The following SULT1E1 variants were observed in gnomAD, a reference collection of about 807,000 sequenced individuals.
SULT1E1 encodes the protein sulfotransferase family 1E member 1.
In SULT1E1, 36 loss-of-function variants were observed where a neutral mutation model predicts 33.6. That is an observed-to-expected ratio of 1.07 (90% CI 0.82 to 1.41). The LOEUF (loss-of-function observed/expected upper bound fraction) is 1.41, where lower values mean the gene tolerates loss of function less well. Ranked by LOEUF, SULT1E1 falls within the 40% of genes most tolerant of loss-of-function variation. SULT1E1 has a pLI of 0.00. For missense variants in SULT1E1, 371 were observed against 345.7 expected (o/e 1.07, Z -0.58); for synonymous variants, 121 against 111.7 (o/e 1.08, Z -0.53).
downstream of SULT1E1, among the ~76,000 whole-genome samples, chr4:69,838,078 T>C (rs914838559): frequency 2.6e-5 from 4 of 152,200 alleles, no homozygotes; most frequent in African/African-American, 9.7e-5. Flanking sequence ...GTTTACAGAC[T>C]TTTCTTCTTA....
chr4:69,856,166 A>C (rs1273484583), intron 2 of SULT1E1, among the ~76,000 whole-genome samples: 5 of 152,202 alleles, frequency 3.3e-5, no homozygotes, highest in African/African-American at 1.2e-4. Flanking sequence ...GTACTTAAGA[A>C]TGGTATAGTG....
chr4:69,844,944 T>C (rs565938704), intron 6 of SULT1E1, among the ~76,000 whole-genome samples: 1 of 152,124 alleles, frequency 6.6e-6, no homozygotes, highest in Admixed American at 6.5e-5. Flanking sequence ...CACATTTCTC[T>C]CTATGCCAAT....
the SULT1E1 span, among the ~76,000 whole-genome samples, chr4:69,828,492 C>A: frequency 6.6e-6 from 1 of 152,134 alleles, no homozygotes; most frequent in African/African-American, 2.4e-5. Context: ...GTCAGCGAGA[C>A]CACAAACCCA....
At chr4:69,849,392 T>C (rs1258863141) in intron 5 of SULT1E1, 45 bp downstream of exon 5, 1 of 1,595,814 alleles carries the variant, frequency 6.3e-7, no homozygotes, top group African/African-American at 1.4e-5. Context: ...GCATTTGTCT[T>C]ATAAAACCTT....
At chr4:69,857,422 G>A (rs1378945781) in intron 2 of SULT1E1, 78 bp downstream of exon 2, 4 of 1,486,224 alleles carry the variant, frequency 2.7e-6, no homozygotes, top group Admixed American at 2.3e-5. Context: ...GAGTGTGTAC[G>A]ACATGAACAC....
chr4:69,851,321 A>G (rs907554802), intron 4 of SULT1E1, among the ~76,000 whole-genome samples: 1 of 152,204 alleles, frequency 6.6e-6, no homozygotes, highest in African/African-American at 2.4e-5. Flanking sequence ...AAGGATATGA[A>G]CAGACACTTC....
At chr4:69,822,435 C>T in the SULT1E1 span, among the ~76,000 whole-genome samples, 181 of 152,100 alleles carry the variant, frequency 1.2e-3, 1 homozygote, top group African/African-American at 4.2e-3. Context: ...AGCAAGACCC[C>T]ATCTCTACAC....
chr4:69,826,879 T>C, the SULT1E1 span, among the ~76,000 whole-genome samples: 2 of 152,150 alleles, frequency 1.3e-5, no homozygotes, highest in African/African-American at 2.4e-5. Context: ...CAGGAGGACC[T>C]CTCAGCTTAC....
rs1441096134 is a variant in SULT1E1, at chr4:69,849,132, G to A, written c.496+305C>T. ...AAAACATTTGTTTCTACTAAAAAGA[G>A]ACAAGGCAGAAAATCAGACACTGAG... On this transcript the variant is annotated intron_variant, in intron 5 of 7. Transcript: ENST00000226444. The A allele has an allele frequency of 2.0e-5, 4 of 198,196 alleles. No homozygotes were observed. In the South Asian group the frequency reaches 4.1e-4, roughly 20 times the overall value. The allele number at this position is 198,196 out of a possible 1,614,324, so 12.3% of individuals were successfully genotyped here.
chr4:69,856,741 T>C (rs1009319961), intron 2 of SULT1E1, among the ~76,000 whole-genome samples: 6 of 151,986 alleles, frequency 3.9e-5, no homozygotes, highest in Admixed American at 2.6e-4. Flanking sequence ...GAGACCATCC[T>C]GGCTAACATG....
At chr4:69,828,629 G>C in the SULT1E1 span, among the ~76,000 whole-genome samples, 2 of 152,164 alleles carry the variant, frequency 1.3e-5, no homozygotes, top group Non-Finnish European at 2.9e-5. Context: ...ACAAGACCAA[G>C]AACCCACCAG....
At chr4:69,836,634 ACT>A (rs1720803188), downstream of SULT1E1, among the ~76,000 whole-genome samples, 1 of 152,146 alleles carries the variant, frequency 6.6e-6, no homozygotes. Context: ...AGCACAAACA[ACT>A]CTGATTCATA....
chr4:69,842,629 C>T (rs1334214218), intron 7 of SULT1E1, among the ~76,000 whole-genome samples: 2 of 152,160 alleles, frequency 1.3e-5, no homozygotes, highest in African/African-American at 4.8e-5. Flanking sequence ...GGTATCTACA[C>T]ATAAGCTTGG....
At chr4:69,837,008 A>T (rs1429440092), downstream of SULT1E1, among the ~76,000 whole-genome samples, 1 of 152,084 alleles carries the variant, frequency 6.6e-6, no homozygotes, top group Non-Finnish European at 1.5e-5. Context: ...AAATAAGCCC[A>T]GGAGTTTGAG....
At chr4:69,836,822 A>G (rs1720804942), downstream of SULT1E1, among the ~76,000 whole-genome samples, 1 of 152,186 alleles carries the variant, frequency 6.6e-6, no homozygotes. Flanking sequence ...TCATGATGAT[A>G]TGGTTTTATC....
At position 69,854,221 on chromosome 4, in the gene SULT1E1, C is replaced by T; in HGVS notation, c.365G>A (p.Cys122Tyr). The T allele has an allele frequency of 1.2e-6, 2 of 1,610,628 alleles. No homozygotes were observed. Among genetic ancestry groups the T allele is most frequent in the Non-Finnish European group, 1.7e-6 (2 of 1,177,792 alleles). The part of the protein sequence containing the change: ...LLPASFWEKD[C>Y]KIIYLCRNAK... ...AGAACACTTGACTCTGGTTACCTTA[C>T]AATCCTTTTCCCAAAATGAGGCAGG... The change falls in exon 4 of 8, where the codon TGT (cysteine) becomes TAT (tyrosine). Residue 122 changes from cysteine (C) to tyrosine (Y), a missense_variant. Coordinates refer to ENST00000226444, the MANE Select transcript of SULT1E1 (RefSeq NM_005420.3).
At chr4:69,844,108 C>G (rs188173834) in intron 7 of SULT1E1, 53 bp downstream of exon 7, 2 of 1,575,948 alleles carry the variant, frequency 1.3e-6, no homozygotes, top group South Asian at 1.1e-5. Flanking sequence ...TTGCCTATAA[C>G]CATGTCACCT....
chr4:69,840,266 C>A (rs188326680), downstream of SULT1E1, among the ~76,000 whole-genome samples: 47 of 151,998 alleles, frequency 3.1e-4, 1 homozygote, highest in East Asian at 9.1e-3. Flanking sequence ...GCTCAGAAAT[C>A]CATGGACTTT....
intron 7 of SULT1E1, among the ~76,000 whole-genome samples, chr4:69,842,691 A>G (rs1720904527): frequency 6.6e-6 from 1 of 152,134 alleles, no homozygotes; most frequent in Admixed American, 6.5e-5. Flanking sequence ...GGCTTTCTTT[A>G]TATCTACTGC....
Sources: gnomAD v4.1 joint callset for allele counts (sites outside exome capture counted in the v4.1 genomes callset) on GRCh38, gnomAD v4.1.1 for gene constraint, MANE v1.5 for transcripts, NCBI Gene and HGNC (gene_info 2026-07-23, HGNC 2026-07-21) for gene names.